Variants in MTRR observed in about 807,000 individuals in gnomAD.
The protein encoded by MTRR is 5-methyltetrahydrofolate-homocysteine methyltransferase reductase.
A neutral mutation model predicts 79.2 loss-of-function variants in MTRR; 63 were observed. The ratio of observed to expected loss-of-function variants is 0.80; its 90% CI spans 0.65 to 0.98. MTRR has a LOEUF of 0.98. Among genes scored for constraint, MTRR ranks in the 50% least tolerant of loss-of-function variants. The pLI, the probability that MTRR is intolerant of heterozygous loss-of-function variation, is 0.00. For synonymous variants in MTRR, 355 were observed against 313.3 expected, an observed-to-expected ratio of 1.13 and a Z score of -1.41; for missense variants, 895 against 839.6, an observed-to-expected ratio of 1.07 and a Z score of -0.82.
At chr5:7,888,057 G>C (rs1479108379) in intron 8 of MTRR, among the ~76,000 whole-genome samples, 1 of 151,548 alleles carries the variant, frequency 6.6e-6, no homozygotes, top group African/African-American at 2.4e-5. Flanking sequence ...TGGATACTAT[G>C]GATACACCAT....
intron 6 of MTRR, 125 bp from the exon 7 acceptor site, chr5:7,885,573 TGAA>T: frequency 2.2e-6 from 2 of 913,564 alleles, no homozygotes; most frequent in Non-Finnish European, 3.3e-6. Flanking sequence ...TTTTTTTTTT[TGAA>T]ATTCTATTTT....
intron 8 of MTRR, among the ~76,000 whole-genome samples, 175 bp from the exon 9 acceptor site, chr5:7,888,915 TAACAG>T (rs1737068996): frequency 6.6e-6 from 1 of 152,226 alleles, no homozygotes; most frequent in Non-Finnish European, 1.5e-5. Context: ...GGAATTTTTC[TAACAG>T]GTCAACATTA....
chr5:7,900,282 T>G lies in MTRR; in HGVS notation c.*224T>G. ...TCCTGTGCCTGTGACTCTCCCCAAA[T>G]TGCCCTGTTGCCTTGAGCTCTTCTG... On this transcript the variant is annotated 3_prime_UTR_variant, in exon 15 of 15. Coordinates refer to ENST00000440940, the MANE Select transcript of MTRR (RefSeq NM_002454.3). 1.9e-6 allele frequency: 1 copy of G among 530,148 alleles called. No homozygotes were observed. Among genetic ancestry groups the G allele is most frequent in the Non-Finnish European group, 3.3e-6 (1 of 303,034 alleles). 32.8% of individuals were successfully genotyped at this position (530,148 alleles called of 1,614,324 possible). A position where few individuals can be genotyped will look rare whatever the true frequency, so the allele number is the denominator to read the frequency against.
At chr5:7,887,034 A>G (rs933311961) in intron 8 of MTRR, among the ~76,000 whole-genome samples, 3 of 152,174 alleles carry the variant, frequency 2.0e-5, no homozygotes, top group Admixed American at 1.3e-4. Context: ...AGGTGACTGC[A>G]GTTGACCTTG....
chr5:7,869,371 G>A (rs921760275), intron 1 of MTRR, 156 bp downstream of exon 1: 1 of 774,276 alleles, frequency 1.3e-6, no homozygotes. Context: ...GCGGGCTGGG[G>A]CTCGGACTTG....
intron 4 of MTRR, among the ~76,000 whole-genome samples, chr5:7,877,086 G>A (rs1050947383): frequency 4.6e-5 from 7 of 152,146 alleles, no homozygotes; most frequent in African/African-American, 7.2e-5. Flanking sequence ...AATGACACAC[G>A]GGCCTGAAAT....
At chr5:7,879,462 CAAAAAAAA>C (rs35558077) in intron 5 of MTRR, among the ~76,000 whole-genome samples, 5 of 88,576 alleles carry the variant, frequency 5.6e-5, no homozygotes, top group African/African-American at 8.8e-5. Flanking sequence ...GACTCCGTCT[CAAAAAAAA>C]AAAAAAAAAA....
chr5:7,884,832 G>T (rs1736148568), intron 6 of MTRR, among the ~76,000 whole-genome samples: 1 of 152,064 alleles, frequency 6.6e-6, no homozygotes, highest in Non-Finnish European at 1.5e-5. Context: ...GAAAAGCAAG[G>T]GCACATTAAG....
intron 8 of MTRR, 109 bp from the exon 9 acceptor site, chr5:7,888,986 C>T: frequency 7.6e-7 from 1 of 1,308,434 alleles, no homozygotes; most frequent in Non-Finnish European, 1.1e-6. Context: ...GTGGCTTTCT[C>T]ATTTTTTCTT....
rs1428227027 is a variant in MTRR at position 7,889,272 on chromosome 5, C to T, written c.1324C>T (p.Leu442Phe). The part of the protein sequence containing the change: ...PSCQPPLSLL[L>F]EHLPKLQPRP... Reference sequence around the variant, plus strand: ...TTGCCAGCCACCACTCAGTCTCCTGCTCGGTGAGTAGTCGCTTTCACAAGC... The same window carrying T: ...TTGCCAGCCACCACTCAGTCTCCTGTTCGGTGAGTAGTCGCTTTCACAAGC... Residue 442 changes from leucine (L) to phenylalanine (F), a missense_variant, in exon 9 of 15, where the codon CTC becomes TTC. By Grantham distance (22) the Leu-to-Phe change is conservative. Transcript: ENST00000440940. The T allele has an allele frequency of 1.2e-6, 2 of 1,612,630 alleles. No individual in the cohort carries two copies. Among genetic ancestry groups the T allele is most frequent in the East Asian group, 2.2e-5 (1 of 44,878 alleles).
At position 7,883,005 on chromosome 5, in the gene MTRR, C is replaced by T. The variant is rs1394044772; in HGVS notation, c.781-150C>T. 18 of 919,460 alleles carry T rather than the reference C, an allele frequency of 2.0e-5. No individual in the cohort carries two copies. In the South Asian group the frequency reaches 2.4e-4, roughly 12 times the overall value. 57.0% of individuals were successfully genotyped at this position (919,460 alleles called of 1,614,324 possible). On this transcript the variant is annotated intron_variant, in intron 5 of 14. Coordinates refer to ENST00000440940, the MANE Select transcript of MTRR (RefSeq NM_002454.3). ...GAGCTTCTCTTCTGAAAAGCTAGCT[C>T]CATATATCTGCCCTCATTCATTTAC... is the stretch of plus-strand genomic sequence containing the variant.
intron 8 of MTRR, 82 bp from the exon 9 acceptor site, chr5:7,889,013 C>T: frequency 6.5e-7 from 1 of 1,536,610 alleles, no homozygotes; most frequent in Non-Finnish European, 8.9e-7. Context: ...TTGGGTGCAT[C>T]CCTAGGCAGA....
At chr5:7,869,056 G>A (rs1747338502), upstream of MTRR, 7 of 1,538,418 alleles carry the variant, frequency 4.6e-6, no homozygotes, top group Non-Finnish European at 6.3e-6. Flanking sequence ...AACGCGGGGC[G>A]GGAGCACGAC....
intron 1 of MTRR, among the ~76,000 whole-genome samples, chr5:7,857,566 A>G (rs1746284858): frequency 6.6e-6 from 1 of 152,012 alleles, no homozygotes; most frequent in Non-Finnish European, 1.5e-5. Context: ...TCCTTCTAAA[A>G]CTCAGCTTAC....
intron 14 of MTRR, among the ~76,000 whole-genome samples, chr5:7,899,078 C>T (rs939058267): frequency 2.0e-5 from 3 of 152,042 alleles, no homozygotes; most frequent in Non-Finnish European, 4.4e-5. Context: ...AGGTGCCACA[C>T]ACTCAAATAG....
In MTRR at chr5:7,878,239, C is replaced by A. The variant is rs760592314; in HGVS notation, c.697C>A (p.Pro233Thr). The A allele has an allele frequency of 6.8e-6, 11 of 1,614,154 alleles. No homozygotes were observed. The highest frequency in any genetic ancestry group is 3.3e-5 in the South Asian group (3 of 91,078). ...TGAGTCCTCACTTACCCGTTCGGTA[C>A]CCCCACTCTCACAAGCCTCTCTGAA... ...DFESSLTRSV[P>T]PLSQASLNIP... The change falls in exon 5 of 15, where the codon CCC becomes ACC. Residue 233 changes from proline (P) to threonine (T), a missense_variant. Coordinates refer to ENST00000440940, the MANE Select transcript of MTRR (RefSeq NM_002454.3).
chr5:7,871,414 G>A (rs1747979323), intron 2 of MTRR, among the ~76,000 whole-genome samples: 1 of 152,206 alleles, frequency 6.6e-6, no homozygotes, highest in African/African-American at 2.4e-5. Flanking sequence ...TCAGGGACTA[G>A]TTGTTTATGT....
At chr5:7,890,217 C>G in intron 9 of MTRR, 1 of 977,284 alleles carries the variant, frequency 1.0e-6, no homozygotes, top group Non-Finnish European at 1.2e-6. Context: ...TTAAAGGCAC[C>G]CTTCTTTGCA....
intron 4 of MTRR, among the ~76,000 whole-genome samples, chr5:7,877,121 G>A (rs1003979094): frequency 6.6e-5 from 10 of 152,040 alleles, no homozygotes; most frequent in Non-Finnish European, 1.3e-4. Flanking sequence ...TATTCATTTC[G>A]CTTTAGGAAT....
Sources: gnomAD v4.1 joint callset for allele counts (sites outside exome capture counted in the v4.1 genomes callset) on GRCh38, gnomAD v4.1.1 for gene constraint, MANE v1.5 for transcripts, NCBI Gene and HGNC (gene_info 2026-07-23, HGNC 2026-07-21) for gene names.